The following SULT1A1 variants were observed in gnomAD, a reference collection of about 807,000 sequenced individuals.
SULT1A1 encodes sulfotransferase family 1A member 1.
Under a neutral mutation model 36.8 loss-of-function variants are expected in SULT1A1, and 35 were observed. That is an observed-to-expected ratio of 0.95 (90% CI 0.73 to 1.26). The LOEUF (loss-of-function observed/expected upper bound fraction) is 1.26. Among genes scored for constraint, SULT1A1 ranks in the 50% most tolerant of loss-of-function variants. The pLI is 0.00. For synonymous variants in SULT1A1, 119 were observed against 146.0 expected, an observed-to-expected ratio of 0.82 and a Z score of 1.33; for missense variants, 309 against 383.0, an observed-to-expected ratio of 0.81 and a Z score of 1.61.
chr16:28,608,909 G>C (rs1248051731), intron 1 of SULT1A1, 50 bp from the exon 2 acceptor site: 5 of 1,611,128 alleles, frequency 3.1e-6, no homozygotes, highest in Middle Eastern at 4.5e-4. Context: ...CATCACAACA[G>C]CAAGAAAGTG....
chr16:28,614,929 C>G (rs1380504109), upstream of SULT1A1: 1 of 112,540 alleles, frequency 8.9e-6, no homozygotes, highest in African/African-American at 3.0e-5. Flanking sequence ...GGTTCAGCAC[C>G]GACATCAAGA....
intron 1 of SULT1A1, chr16:28,623,016 G>A (rs1199226337): frequency 1.4e-6 from 2 of 1,380,194 alleles, no homozygotes; most frequent in Admixed American, 2.4e-5. Context: ...CCCGGCTCCT[G>A]CCCGGGTCCC....
At chr16:28,623,111 TTCCCCCCCCG>T in intron 1 of SULT1A1, 1 of 859,446 alleles carries the variant, frequency 1.2e-6, no homozygotes, top group Non-Finnish European at 1.7e-6. Context: ...ACCCCCCAGG[TTCCCCCCCCG>T]GCCCCTCACC....
chr16:28,608,805 C>G lies in SULT1A1; in HGVS notation c.51G>C (p.Gly17=), dbSNP rs1444663546. 3 of 1,611,900 alleles carry G rather than the reference C, an allele frequency of 1.9e-6. No homozygotes were observed. In the African/African-American group the frequency reaches 4.0e-5, roughly 22 times the overall value. ...TSRPPLEYVK[G]VPLIKYFAEA... ...CTGCAAAGTACTTGATGAGCGGGAC[C>G]CCCTTCACGTACTCCAGTGGCGGGC... Residue 17 remains glycine (G), a synonymous_variant, in exon 2 of 8, where the codon GGG becomes GGC. Coordinates refer to ENST00000314752, the MANE Select transcript of SULT1A1 (RefSeq NM_001055.4).
rs72547527 is a variant in SULT1A1 at position 28,608,746 on chromosome 16, C to T, written c.110G>A (p.Arg37Gln). 198 of 1,612,882 alleles carry T rather than the reference C, an allele frequency of 1.2e-4. 1 individual carries two copies. The African/African-American group carries it at 1.6e-3, about 13-fold the overall frequency. The change falls in exon 2 of 8, where the codon CGG (arginine) becomes CAG (glutamine). Residue 37 changes from arginine (R) to glutamine (Q), a missense_variant. Transcript: ENST00000314752. The part of the protein sequence containing the change: ...ALGPLQSFQA[R>Q]PDDLLISTYP... ...GGTGCTGATGAGCAGGTCATCAGGC[C>T]GGGCCTGGAAGCTCTGCAGGGGCCC...
intron 2 of SULT1A1, among the ~76,000 whole-genome samples, chr16:28,616,222 A>C (rs1057261802): frequency 6.6e-6 from 1 of 152,214 alleles, no homozygotes; most frequent in African/African-American, 2.4e-5. Flanking sequence ...GGTTATTATA[A>C]TATTGGAAGA....
At chr16:28,606,473 T>C (rs79533802) in intron 6 of SULT1A1, among the ~76,000 whole-genome samples, 51,215 of 150,168 alleles carry the variant, frequency 0.34, 9,020 homozygotes, top group Admixed American at 0.4. Context: ...GGTCTTCTTC[T>C]GTGACTGTGG....
upstream of SULT1A1, chr16:28,610,931 A>C (rs982565501): frequency 6.6e-6 from 1 of 151,672 alleles, no homozygotes; most frequent in Non-Finnish European, 1.5e-5. Context: ...ACTTCCAAGA[A>C]ATGCGTGAGT....
upstream of SULT1A1, chr16:28,610,263 T>TG (rs1255959797): frequency 4.3e-5 from 35 of 820,468 alleles, no homozygotes; most frequent in East Asian, 1.5e-3. Context: ...TTTTTTTTTC[T>TG]GTTTTTTTTT....
chr16:28,620,039 A>T (rs28410083), intron 2 of SULT1A1: 1,020,433 of 1,602,134 alleles, frequency 0.64, 330,406 homozygotes, highest in East Asian at 0.92. Flanking sequence ...AGATACTGAT[A>T]ACATTTTCAA....
upstream of SULT1A1, chr16:28,610,271 T>TG: frequency 6.0e-6 from 6 of 998,824 alleles, no homozygotes; most frequent in Non-Finnish European, 7.6e-6. Flanking sequence ...TCTGTTTTTT[T>TG]TTTTTTTTTT....
chr16:28,623,271 G>A, exon 1 of SULT1A1: 1 of 1,543,744 alleles, frequency 6.5e-7, no homozygotes, highest in East Asian at 2.4e-5. Context: ...GGCGTGGAAG[G>A]TCACCACCAA....
intron 2 of SULT1A1, among the ~76,000 whole-genome samples, chr16:28,619,257 C>T (rs940634824): frequency 2.0e-5 from 3 of 152,218 alleles, no homozygotes; most frequent in African/African-American, 7.2e-5. Context: ...AAGTGATCTG[C>T]CTGCCTCAGC....
At chr16:28,622,513 G>C (rs1314890183) in intron 1 of SULT1A1, among the ~76,000 whole-genome samples, 2 of 152,080 alleles carry the variant, frequency 1.3e-5, no homozygotes, top group African/African-American at 2.4e-5. Flanking sequence ...GAGACCCCAG[G>C]GGAAAATCTT....
intron 2 of SULT1A1, chr16:28,619,993 T>TTGTGTG (rs113783918): frequency 0.49 from 542,426 of 1,114,280 alleles, 90,714 homozygotes; most frequent in Middle Eastern, 0.6. Context: ...GTATTGTATA[T>TTGTGTG]TGTGTGTGTG....
chr16:28,610,265 T>A, upstream of SULT1A1: 1 of 508,544 alleles, frequency 2.0e-6, no homozygotes, highest in Non-Finnish European at 2.4e-6. Flanking sequence ...TTTTTTTCTG[T>A]TTTTTTTTTT....
In SULT1A1 at chr16:28,608,426, C is replaced by A. The variant is rs189514409; in HGVS notation, c.275-38G>T. ...TCAGGGAAGGTCTGGTGAGCTGAAG[C>A]CCCAGCCCTGTCTTCCTCCACTCCC... On this transcript the variant is annotated intron_variant, in intron 3 of 7. Transcript: ENST00000314752. The A allele has an allele frequency of 5.8e-5, 94 of 1,612,426 alleles. 2 individuals carry two copies. The African/African-American group carries it at 1.1e-3, about 19-fold the overall frequency.
intron 1 of SULT1A1, chr16:28,623,101 A>G (rs1415048024): frequency 4.8e-4 from 379 of 787,652 alleles, no homozygotes; most frequent in Non-Finnish European, 6.2e-4. Flanking sequence ...TACTGGTCCC[A>G]CCCCCCAGGT....
At chr16:28,606,375 G>T in intron 6 of SULT1A1, 139 bp from the exon 7 acceptor site, 1 of 1,467,174 alleles carries the variant, frequency 6.8e-7, no homozygotes, top group Non-Finnish European at 9.3e-7. Flanking sequence ...AACCCCCAGG[G>T]CCCCAGTCCC....
Sources: allele counts gnomAD v4.1 joint callset (sites outside exome capture counted in the v4.1 genomes callset), GRCh38; gene constraint gnomAD v4.1.1; transcripts MANE v1.5; gene names NCBI Gene and HGNC (gene_info 2026-07-23, HGNC 2026-07-21).